The following ARHGAP31 variants were observed in gnomAD, a reference collection of about 807,000 sequenced individuals.
ARHGAP31 encodes Rho GTPase activating protein 31, also known as rho GTPase-activating protein 31.
A neutral mutation model predicts 113.9 loss-of-function variants in ARHGAP31; 34 were observed. That is an observed-to-expected ratio of 0.30 (90% confidence interval 0.23 to 0.40). ARHGAP31 has a LOEUF of 0.40. Among genes scored for constraint, ARHGAP31 ranks in the 10% least tolerant of loss-of-function variants. The pLI, the probability that ARHGAP31 is intolerant of heterozygous loss-of-function variation, is 1.00. For synonymous variants in ARHGAP31, 650 were observed against 684.8 expected (o/e 0.95, Z 0.79); for missense variants, 1,548 against 1,767.1 (o/e 0.88, Z 2.22).
intron 1 of ARHGAP31, among the ~76,000 whole-genome samples, chr3:119,298,113 A>G (rs567795706): frequency 2.6e-4 from 39 of 152,226 alleles, no homozygotes; most frequent in Non-Finnish European, 4.6e-4. Context: ...ACTCTTAGCC[A>G]GGTAAGAACA....
chr3:119,402,499 G>A (rs1007179845), intron 10 of ARHGAP31, 102 bp downstream of exon 10: 1 of 1,288,924 alleles, frequency 7.8e-7, no homozygotes. Flanking sequence ...TTAAGCCTGT[G>A]GGCTCTAGAG....
chr3:119,308,019 A>T (rs1217920262), intron 1 of ARHGAP31, among the ~76,000 whole-genome samples: 1 of 149,100 alleles, frequency 6.7e-6, no homozygotes, highest in African/African-American at 2.5e-5. Context: ...ATCCATCCAC[A>T]CTCTTCAGGA....
At chr3:119,404,274 T>G (rs968482091) in intron 10 of ARHGAP31, among the ~76,000 whole-genome samples, 1 of 152,172 alleles carries the variant, frequency 6.6e-6, no homozygotes, top group Non-Finnish European at 1.5e-5. Flanking sequence ...TATCCGTTTT[T>G]CCCCCTCTCT....
chr3:119,298,881 T>C, intron 1 of ARHGAP31: 1 of 233,038 alleles, frequency 4.3e-6, no homozygotes, highest in Non-Finnish European at 8.8e-6. Flanking sequence ...AAAGCTACAT[T>C]ATTGTGTGAG....
In ARHGAP31 at chr3:119,402,144, C is replaced by T; in HGVS notation, c.1392C>T (p.Ser464=). The T allele has an allele frequency of 1.2e-6, 2 of 1,614,268 alleles. No individual in the cohort carries two copies. Among genetic ancestry groups the T allele is most frequent in the Non-Finnish European group, 1.7e-6 (2 of 1,180,056 alleles). Residue 464 remains serine (S), a synonymous_variant, in exon 10 of 12, where the codon TCC becomes TCT. Transcript: ENST00000264245. The part of the protein sequence containing the change: ...FYTSNDSPSK[S]VFTSSLFQME... ...CTTCGAACGACAGCCCTAGCAAATCCGTCTTCACCAGCAGCCTCTTCCAGA... is the reference window on the plus strand; with the variant it reads ...CTTCGAACGACAGCCCTAGCAAATCTGTCTTCACCAGCAGCCTCTTCCAGA...
rs1197121135 is a variant in ARHGAP31 at position 119,418,559 on chromosome 3, T to C, written c.*2295T>C. Reference sequence around the variant, plus strand: ...GAATATGTAAACTATTTTATGATTATTTTAAATGTTTGTTTGGTAACATTT... The same window carrying C: ...GAATATGTAAACTATTTTATGATTACTTTAAATGTTTGTTTGGTAACATTT... On this transcript the variant is annotated 3_prime_UTR_variant, in exon 12 of 12. Transcript: ENST00000264245. 6.6e-6 allele frequency: 1 copy of C among 152,118 alleles called. No individual in the cohort carries two copies. The highest frequency in any genetic ancestry group is 2.4e-5 in the African/African-American group (1 of 41,336). 9.4% of individuals were successfully genotyped at this position (152,118 alleles called of 1,614,324 possible). A position where few individuals can be genotyped will look rare whatever the true frequency, so the allele number is the denominator to read the frequency against.
intron 8 of ARHGAP31, among the ~76,000 whole-genome samples, chr3:119,394,021 C>T (rs529978556): frequency 5.3e-5 from 8 of 152,280 alleles, no homozygotes; most frequent in African/African-American, 1.4e-4. Flanking sequence ...TCTTTTTGAC[C>T]GTGATAACTT....
In ARHGAP31 at chr3:119,411,544, G is replaced by A. The variant is rs140560844; in HGVS notation, c.1926+1768G>A. Among the ~76,000 whole-genome samples the A allele has an allele frequency of 2.6e-4, 39 of 152,284 alleles. 1 individual carries two copies. The highest frequency in any genetic ancestry group is 6.8e-3 in the Middle Eastern group (2 of 294). ...TGAGAGGGCAGAGTGAAGTGGAAGG[G>A]AGTTTAGATGTTCATTTGTTCATCT... is the stretch of plus-strand genomic sequence containing the variant. On this transcript the variant is annotated intron_variant, in intron 11 of 11. Transcript: ENST00000264245.
intron 1 of ARHGAP31, among the ~76,000 whole-genome samples, chr3:119,344,400 G>A (rs2080036612): frequency 6.6e-6 from 1 of 152,122 alleles, no homozygotes; most frequent in African/African-American, 2.4e-5. Context: ...CTGTATCCCA[G>A]TCTCTTTGAG....
rs745379259 is a variant in ARHGAP31, at chr3:119,354,799, T to C, written c.101-10517T>C. 2.0e-5 allele frequency among the ~76,000 whole-genome samples: 3 copies of C among 151,766 alleles called. No individual in the cohort carries two copies. In the East Asian group the frequency reaches 5.8e-4, roughly 29 times the overall value. On this transcript the variant is annotated intron_variant, in intron 1 of 11. Transcript: ENST00000264245. The stretch of plus-strand genomic sequence containing the variant: ...TGCCATTGTGTGTCATTTTTTATTA[T>C]TTAATATACTGGGGAAGAGGTAGTT...
chr3:119,377,185 C>A (rs1363577786), intron 3 of ARHGAP31, among the ~76,000 whole-genome samples: 8 of 152,074 alleles, frequency 5.3e-5, no homozygotes, highest in African/African-American at 1.9e-4. Flanking sequence ...GTTCTAGGTG[C>A]GGAGATTTAA....
chr3:119,414,467 G>A lies in ARHGAP31; in HGVS notation c.2538G>A (p.Lys846=), dbSNP rs199821560. 118 of 1,614,114 alleles carry A rather than the reference G, an allele frequency of 7.3e-5. 1 individual carries two copies. The highest frequency in any genetic ancestry group is 4.3e-4 in the South Asian group (39 of 91,084). ...GEEATPRHSD[K]QNSKNAASEG... ...AGGCAACCCCAAGACACAGTGACAA[G>A]CAAAATTCAAAGAATGCTGCTTCTG... Residue 846 remains lysine (K), a synonymous_variant, in exon 12 of 12, where the codon AAG becomes AAA. Transcript: ENST00000264245.
At chr3:119,328,474 G>C (rs140286912) in intron 1 of ARHGAP31, among the ~76,000 whole-genome samples, 1 of 152,298 alleles carries the variant, frequency 6.6e-6, no homozygotes, top group Non-Finnish European at 1.5e-5. Context: ...TGAGCAGTTA[G>C]CAACATCCTT....
chr3:119,297,096 TG>T (rs1350319251), intron 1 of ARHGAP31, among the ~76,000 whole-genome samples: 1 of 152,240 alleles, frequency 6.6e-6, no homozygotes, highest in Admixed American at 6.5e-5. Context: ...ACACTGTTAT[TG>T]TGCTACACGG....
chr3:119,326,474 T>C (rs1553760408), intron 1 of ARHGAP31, among the ~76,000 whole-genome samples: 1 of 151,980 alleles, frequency 6.6e-6, no homozygotes, highest in Non-Finnish European at 1.5e-5. Context: ...ATCTAAAACT[T>C]AAGAAAGTAT....
intron 1 of ARHGAP31, among the ~76,000 whole-genome samples, chr3:119,359,100 C>A (rs140990052): frequency 6.6e-6 from 1 of 152,042 alleles, no homozygotes; most frequent in Non-Finnish European, 1.5e-5. Flanking sequence ...TCACTGCAAC[C>A]TCTGATTCCC....
rs576300174 is a variant in ARHGAP31, at chr3:119,310,846, A to T, written c.100+15842A>T. On this transcript the variant is annotated intron_variant, in intron 1 of 11. Coordinates refer to ENST00000264245, the MANE Select transcript of ARHGAP31 (RefSeq NM_020754.4). ...AAGGCACTACCAACTGCTTTTTTTTAAATCTCACTGGTAATTCACCTAATC... is the reference window on the plus strand; with the variant it reads ...AAGGCACTACCAACTGCTTTTTTTTTAATCTCACTGGTAATTCACCTAATC... 3.3e-5 allele frequency among the ~76,000 whole-genome samples: 5 copies of T among 152,280 alleles called. No individual in the cohort carries two copies. The South Asian group carries it at 1.0e-3, about 32-fold the overall frequency.
intron 1 of ARHGAP31, among the ~76,000 whole-genome samples, chr3:119,323,146 C>G (rs1354526748): frequency 1.3e-5 from 2 of 152,332 alleles, no homozygotes; most frequent in East Asian, 1.9e-4. Flanking sequence ...CCTTTCGGCG[C>G]TGGGGACTCA....
At chr3:119,301,568 T>C (rs2079585628) in intron 1 of ARHGAP31, among the ~76,000 whole-genome samples, 2 of 152,150 alleles carry the variant, frequency 1.3e-5, no homozygotes, top group African/African-American at 4.8e-5. Context: ...TGGAAGCAGG[T>C]GTGAGGGGAA....
Sources: gnomAD v4.1 joint callset for allele counts (sites outside exome capture counted in the v4.1 genomes callset) on GRCh38, gnomAD v4.1.1 for gene constraint, MANE v1.5 for transcripts, NCBI Gene and HGNC (gene_info 2026-07-23, HGNC 2026-07-21) for gene names.